FKBP5: variants seen among roughly 807,000 people sequenced by gnomAD.
FKBP5 encodes peptidyl-prolyl cis-trans isomerase FKBP5.
FKBP5 carries 23 observed loss-of-function variants against 50.5 expected under a neutral mutation model. The ratio of observed to expected loss-of-function variants is 0.46; its 90% confidence interval spans 0.33 to 0.65. The LOEUF is 0.65. FKBP5 is among the 30% of genes least tolerant of loss of function. The pLI is 0.02. For synonymous variants in FKBP5, 176 were observed against 190.6 expected, an observed-to-expected ratio of 0.92 and a Z score of 0.63; for missense variants, 411 against 553.1, an observed-to-expected ratio of 0.74 and a Z score of 2.58.
intron 1 of FKBP5, among the ~76,000 whole-genome samples, chr6:35,662,733 T>G (rs1765106186): frequency 6.6e-6 from 1 of 152,232 alleles, no homozygotes; most frequent in Non-Finnish European, 1.5e-5. Context: ...GAACTCATTT[T>G]AATTGTGCAT....
At chr6:35,586,271 T>TA in intron 8 of FKBP5, 2 of 985,196 alleles carry the variant, frequency 2.0e-6, no homozygotes, top group Non-Finnish European at 2.4e-6. Flanking sequence ...ATCACACTCC[T>TA]AGTTGCTCCA....
At chr6:35,693,865 T>C (rs1766041274), upstream of FKBP5, among the ~76,000 whole-genome samples, 1 of 151,658 alleles carries the variant, frequency 6.6e-6, no homozygotes, top group Admixed American at 6.6e-5. Context: ...TTCATGTATT[T>C]CCCAGTACCC....
At chr6:35,609,567 G>A (rs1581811488) in intron 5 of FKBP5, among the ~76,000 whole-genome samples, 2 of 152,222 alleles carry the variant, frequency 1.3e-5, no homozygotes, top group East Asian at 3.9e-4. Flanking sequence ...TCGATCTTAA[G>A]AATCTTTTTC....
chr6:35,718,763 T>C (rs1002427328), intron 2 of FKBP5, among the ~76,000 whole-genome samples: 133 of 152,276 alleles, frequency 8.7e-4, no homozygotes, highest in African/African-American at 2.7e-3. Context: ...TCATGACTCT[T>C]CCTTAGCACT....
At chr6:35,712,439 A>G (rs983270747) in intron 2 of FKBP5, among the ~76,000 whole-genome samples, 2 of 152,052 alleles carry the variant, frequency 1.3e-5, no homozygotes, top group African/African-American at 4.8e-5. Flanking sequence ...GGTGGTAGGT[A>G]TCTTCCAGGG....
chr6:35,592,233 G>T (rs929868084), intron 6 of FKBP5, among the ~76,000 whole-genome samples: 2 of 152,270 alleles, frequency 1.3e-5, no homozygotes, highest in South Asian at 4.2e-4. Context: ...TGTCAAAACC[G>T]ACTTAATCTA....
In FKBP5 at chr6:35,685,369, C is replaced by T. The variant is rs572561378; in HGVS notation, c.-20+3435G>A. ...GACATACATACCACCACCACCCAGT[C>T]GCTACTGAATGTAGATTTAATTTTC... On this transcript the variant is annotated intron_variant, in intron 1 of 10. Coordinates refer to ENST00000357266, the MANE Select transcript of FKBP5 (RefSeq NM_004117.4). 1.8e-3 allele frequency among the ~76,000 whole-genome samples: 271 copies of T among 152,180 alleles called. 2 individuals carry two copies. The highest frequency in any genetic ancestry group is 2.4e-3 in the Non-Finnish European group (165 of 68,012).
chr6:35,649,249 T>TAAA (rs71002582), intron 1 of FKBP5, among the ~76,000 whole-genome samples: 5 of 102,200 alleles, frequency 4.9e-5, no homozygotes, highest in South Asian at 3.3e-4. Flanking sequence ...AGACTCTGTC[T>TAAA]AAAAAAAAAA....
At chr6:35,592,058 AC>A (rs1762838682) in intron 6 of FKBP5, among the ~76,000 whole-genome samples, 1 of 152,216 alleles carries the variant, frequency 6.6e-6, no homozygotes. Flanking sequence ...TGTCTGGTTC[AC>A]CTGTTTCCCA....
intron 1 of FKBP5, among the ~76,000 whole-genome samples, chr6:35,657,084 G>A (rs183544331): frequency 1.2e-4 from 17 of 147,364 alleles, no homozygotes; most frequent in Non-Finnish European, 2.3e-4. Flanking sequence ...GAGTGGTGGC[G>A]GGCGCCTGTA....
chr6:35,654,828 C>G (rs1764905148), intron 1 of FKBP5, among the ~76,000 whole-genome samples: 1 of 152,148 alleles, frequency 6.6e-6, no homozygotes, highest in East Asian at 1.9e-4. Flanking sequence ...TAAGCTGTAT[C>G]CAGCTCTGTA....
chr6:35,719,743 G>A (rs927724254), intron 2 of FKBP5, among the ~76,000 whole-genome samples: 2 of 152,182 alleles, frequency 1.3e-5, no homozygotes, highest in African/African-American at 4.8e-5. Flanking sequence ...CCAGGGATGG[G>A]GCAGAGCCCA....
At chr6:35,656,968 T>C (rs1383837416) in intron 1 of FKBP5, among the ~76,000 whole-genome samples, 3 of 150,158 alleles carry the variant, frequency 2.0e-5, no homozygotes, top group Admixed American at 2.0e-4. Context: ...TCCTAGCACT[T>C]TGGGAGGCTG....
At chr6:35,657,578 G>A (rs1764990888) in intron 1 of FKBP5, among the ~76,000 whole-genome samples, 1 of 152,108 alleles carries the variant, frequency 6.6e-6, no homozygotes, top group Non-Finnish European at 1.5e-5. Context: ...GATAACCCAG[G>A]ATAATCTCCC....
intron 3 of FKBP5, among the ~76,000 whole-genome samples, chr6:35,632,971 A>G (rs1209971739): frequency 6.6e-6 from 1 of 152,126 alleles, no homozygotes; most frequent in Non-Finnish European, 1.5e-5. Context: ...GACATATACA[A>G]AGCAAGTGTA....
chr6:35,643,137 T>C (rs1398957660), intron 1 of FKBP5, among the ~76,000 whole-genome samples: 1 of 152,144 alleles, frequency 6.6e-6, no homozygotes, highest in Non-Finnish European at 1.5e-5. Context: ...TGAGAAGCAG[T>C]CCCTTCACAA....
upstream of FKBP5, among the ~76,000 whole-genome samples, chr6:35,690,311 A>C (rs1050509277): frequency 1.3e-5 from 2 of 152,116 alleles, no homozygotes; most frequent in Non-Finnish European, 2.9e-5. Flanking sequence ...TCTACTAAAA[A>C]TAATTTTAAA....
At chr6:35,631,954 CAAAAA>C (rs763457961) in intron 3 of FKBP5, among the ~76,000 whole-genome samples, 2 of 63,776 alleles carry the variant, frequency 3.1e-5, no homozygotes, top group Non-Finnish European at 6.4e-5. Context: ...GACTCTGTCT[CAAAAA>C]AAAAAAAAAA....
At chr6:35,690,965 C>A (rs192561872), upstream of FKBP5, among the ~76,000 whole-genome samples, 1 of 151,928 alleles carries the variant, frequency 6.6e-6, no homozygotes, top group African/African-American at 2.4e-5. Flanking sequence ...GAGATGGCAC[C>A]ATTGCACTCC....
Sources: allele counts gnomAD v4.1 joint callset (sites outside exome capture counted in the v4.1 genomes callset), GRCh38; gene constraint gnomAD v4.1.1; transcripts MANE v1.5; gene names NCBI Gene and HGNC (gene_info 2026-07-23, HGNC 2026-07-21).